Variants in EPHA3 observed in about 807,000 individuals in gnomAD.
EPHA3 encodes ephrin type-A receptor 3.
A neutral mutation model predicts 107.1 loss-of-function variants in EPHA3; 42 were observed. That is an observed-to-expected ratio of 0.39 (90% confidence interval 0.31 to 0.51). The LOEUF is 0.51. Ranked by LOEUF, EPHA3 falls within the 20% of genes least tolerant of loss-of-function variation. The pLI, the probability that EPHA3 is intolerant of heterozygous loss-of-function variation, is 0.78. For synonymous variants in EPHA3, 461 were observed against 424.8 expected (o/e 1.09, Z -1.05); for missense variants, 1,183 against 1,211.2 (o/e 0.98, Z 0.35).
chr3:89,437,093 A>T (rs1222694162), intron 13 of EPHA3, among the ~76,000 whole-genome samples: 1 of 152,184 alleles, frequency 6.6e-6, no homozygotes, highest in Non-Finnish European at 1.5e-5. Flanking sequence ...TTATGAAAAT[A>T]GTTTCTATCT....
At chr3:89,215,655 A>G (rs1704206212) in intron 3 of EPHA3, among the ~76,000 whole-genome samples, 1 of 151,932 alleles carries the variant, frequency 6.6e-6, no homozygotes, top group Non-Finnish European at 1.5e-5. Context: ...ATGAACCACT[A>G]TAACAGGCCT....
intron 5 of EPHA3, among the ~76,000 whole-genome samples, chr3:89,392,699 A>G (rs1285851310): frequency 6.6e-6 from 1 of 152,126 alleles, no homozygotes; most frequent in Admixed American, 6.5e-5. Flanking sequence ...TGTACACTGC[A>G]ATATCATGAA....
Position 89,165,400 on chromosome 3 carries a change from A to G in EPHA3, c.153+38127A>G, listed in dbSNP as rs573119087. Among the ~76,000 whole-genome samples, 4 of 152,340 alleles carry G rather than the reference A, an allele frequency of 2.6e-5. No homozygotes were observed. In the East Asian group the frequency reaches 7.7e-4, roughly 29 times the overall value. ...AGAAATTATACTTTTCGTAATAATTATTTTTAATAAATGCAATGCAATGCA... is the reference window on the plus strand; with the variant it reads ...AGAAATTATACTTTTCGTAATAATTGTTTTTAATAAATGCAATGCAATGCA... On this transcript the variant is annotated intron_variant, in intron 2 of 16. Coordinates refer to ENST00000336596, the MANE Select transcript of EPHA3 (RefSeq NM_005233.6).
intron 2 of EPHA3, among the ~76,000 whole-genome samples, chr3:89,144,953 C>T (rs772970813): frequency 5.3e-5 from 8 of 151,622 alleles, no homozygotes; most frequent in South Asian, 2.1e-4. Flanking sequence ...TCATATCGTT[C>T]TTATAGTATC....
chr3:89,468,653 C>T (rs1160452023), intron 15 of EPHA3, among the ~76,000 whole-genome samples: 2 of 152,176 alleles, frequency 1.3e-5, no homozygotes, highest in Non-Finnish European at 2.9e-5. Flanking sequence ...TGTCTTGTCT[C>T]ATTCTAGGTT....
chr3:89,158,548 A>G (rs1284198469), intron 2 of EPHA3, among the ~76,000 whole-genome samples: 1 of 152,180 alleles, frequency 6.6e-6, no homozygotes, highest in South Asian at 2.1e-4. Context: ...GTTAAGCAAG[A>G]TAAAATAAAT....
intron 5 of EPHA3, among the ~76,000 whole-genome samples, chr3:89,354,470 T>C (rs1437081769): frequency 6.7e-6 from 1 of 149,554 alleles, no homozygotes; most frequent in Admixed American, 6.7e-5. Flanking sequence ...AGTGTTCAAA[T>C]AGAAAAAAAA....
rs1709213271 is a variant in EPHA3 at position 89,414,607 on chromosome 3, GA to G, written c.1888+1342del. Among the ~76,000 whole-genome samples, 6 of 151,734 alleles carry G rather than the reference GA, an allele frequency of 4.0e-5. No homozygotes were observed. The South Asian group carries it at 1.0e-3, about 26-fold the overall frequency. Reference sequence around the variant, plus strand: ...GAGCCTGCGGTAGCAAATGCAGCACGAGGACTTTGAACACTCAACTGGAGAA... The same window carrying G: ...GAGCCTGCGGTAGCAAATGCAGCACGGGACTTTGAACACTCAACTGGAGAA... On this transcript the variant is annotated intron_variant, in intron 10 of 16. Transcript: ENST00000336596.
At chr3:89,118,237 C>T (rs539719364) in intron 1 of EPHA3, among the ~76,000 whole-genome samples, 1 of 152,018 alleles carries the variant, frequency 6.6e-6, no homozygotes, top group East Asian at 1.9e-4. Flanking sequence ...AAAGAAATTT[C>T]CATGTGTAAT....
At chr3:89,242,224 A>G (rs1175142216) in intron 3 of EPHA3, among the ~76,000 whole-genome samples, 1 of 152,150 alleles carries the variant, frequency 6.6e-6, no homozygotes, top group East Asian at 1.9e-4. Flanking sequence ...CTGTAATTCT[A>G]CAGAGACAAT....
intron 1 of EPHA3, among the ~76,000 whole-genome samples, chr3:89,123,032 A>G (rs1177490914): frequency 1.3e-5 from 2 of 152,194 alleles, no homozygotes; most frequent in African/African-American, 4.8e-5. Flanking sequence ...AGGGGGAAAC[A>G]TAACAGTAGA....
intron 3 of EPHA3, among the ~76,000 whole-genome samples, chr3:89,331,588 C>T (rs1199801928): frequency 1.3e-5 from 2 of 152,034 alleles, no homozygotes; most frequent in African/African-American, 4.8e-5. Context: ...AGTGTTCTTC[C>T]TACATTCATG....
At chr3:89,141,943 C>T (rs2107018280) in intron 2 of EPHA3, among the ~76,000 whole-genome samples, 1 of 151,378 alleles carries the variant, frequency 6.6e-6, no homozygotes, top group East Asian at 1.9e-4. Flanking sequence ...CAGATTCCTC[C>T]AGGCAGTTGA....
At chr3:89,200,224 A>T (rs879451727) in intron 2 of EPHA3, among the ~76,000 whole-genome samples, 6 of 152,210 alleles carry the variant, frequency 3.9e-5, no homozygotes, top group Non-Finnish European at 7.3e-5. Flanking sequence ...TTTCACAGAG[A>T]AAAATTAAAG....
intron 5 of EPHA3, among the ~76,000 whole-genome samples, chr3:89,383,647 T>C (rs1189002115): frequency 7.4e-6 from 1 of 134,772 alleles, no homozygotes; most frequent in African/African-American, 2.8e-5. Flanking sequence ...TTCTTTTTTT[T>C]TTTTTTTTTT....
intron 2 of EPHA3, among the ~76,000 whole-genome samples, chr3:89,190,199 G>C (rs1321083168): frequency 6.6e-6 from 1 of 152,058 alleles, no homozygotes; most frequent in East Asian, 1.9e-4. Context: ...CACTTACTAA[G>C]AGAAGCTGAT....
In EPHA3 at chr3:89,208,874, A is replaced by T. The variant is rs545772301; in HGVS notation, c.154-986A>T. 7.9e-5 allele frequency among the ~76,000 whole-genome samples: 12 copies of T among 152,296 alleles called. 1 individual carries two copies. The South Asian group carries it at 1.9e-3, about 24-fold the overall frequency. ...ATCCCTAGAAAACTTTACATTCAAGAATGGCATGACAAAAGATGTAGTTTC... is the reference window on the plus strand; with the variant it reads ...ATCCCTAGAAAACTTTACATTCAAGTATGGCATGACAAAAGATGTAGTTTC... On this transcript the variant is annotated intron_variant, in intron 2 of 16. Coordinates refer to ENST00000336596, the MANE Select transcript of EPHA3 (RefSeq NM_005233.6).
At chr3:89,433,434 C>T (rs75742793) in intron 13 of EPHA3, among the ~76,000 whole-genome samples, 10,104 of 152,022 alleles carry the variant, frequency 0.066, 401 homozygotes, top group Middle Eastern at 0.11. Context: ...CAAGTAAAGC[C>T]GCAATAATAG....
At chr3:89,172,021 A>G (rs1037729554) in intron 2 of EPHA3, among the ~76,000 whole-genome samples, 1 of 152,064 alleles carries the variant, frequency 6.6e-6, no homozygotes, top group Admixed American at 6.6e-5. Flanking sequence ...CCTTCTTCGT[A>G]ACCAACCGCC....
Sources: gnomAD v4.1 joint callset for allele counts (sites outside exome capture counted in the v4.1 genomes callset) on GRCh38, gnomAD v4.1.1 for gene constraint, MANE v1.5 for transcripts, NCBI Gene and HGNC (gene_info 2026-07-23, HGNC 2026-07-21) for gene names.